Variants in PER3 observed in about 807,000 individuals in gnomAD.
The protein encoded by PER3 is period circadian regulator 3.
A neutral mutation model predicts 127.2 loss-of-function variants in PER3; 107 were observed. That is an observed-to-expected ratio of 0.84 (90% CI 0.72 to 0.99). PER3 has a LOEUF of 0.99. Among genes scored for constraint, PER3 ranks in the 50% least tolerant of loss-of-function variants. PER3 has a pLI of 0.00. For missense variants in PER3, 1,560 were observed against 1,525.8 expected, an observed-to-expected ratio of 1.02 and a Z score of -0.37; for synonymous variants, 618 against 585.8, an observed-to-expected ratio of 1.05 and a Z score of -0.79.
At chr1:7,829,473 C>G (rs1400408567) in intron 18 of PER3, among the ~76,000 whole-genome samples, 2 of 152,180 alleles carry the variant, frequency 1.3e-5, no homozygotes, top group African/African-American at 4.8e-5. Context: ...TGGCATCACT[C>G]CTCTTGCACT....
chr1:7,820,578 G>T lies in PER3; in HGVS notation c.1895G>T (p.Gly632Val). Residue 632 changes from glycine (G) to valine (V), a missense_variant, in exon 16 of 22, where the codon GGG (glycine) becomes GTG (valine). Gly to Val is a moderately radical substitution (Grantham distance 109). This residue lies in a region of PER3 where 1,332 missense variants were observed against 1,223.6 expected (regional missense o/e 1.09). Transcript: ENST00000377532. ...CTGTCCACGGCGATGCTGAGCTTGG[G>T]GTCGGGCATAAGCCAATGCGGTTAC... ...QILSTAMLSL[G>V]SGISQCGYSS... The T allele has an allele frequency of 6.2e-7, 1 of 1,614,054 alleles. No homozygotes were observed. Among genetic ancestry groups the T allele is most frequent in the South Asian group, 1.1e-5 (1 of 91,056 alleles).
chr1:7,810,301 A>C (rs1168511146), intron 12 of PER3, 137 bp from the exon 13 acceptor site: 1 of 692,582 alleles, frequency 1.4e-6, no homozygotes. Flanking sequence ...ATGGTGCAGG[A>C]AACTGGATTA....
chr1:7,810,151 A>AT lies in PER3; in HGVS notation c.1371+134dup, dbSNP rs1429308920. 4 of 1,014,014 alleles carry AT rather than the reference A, an allele frequency of 3.9e-6. No individual in the cohort carries two copies. In the African/African-American group the frequency reaches 6.5e-5, roughly 16 times the overall value. 62.8% of individuals were successfully genotyped at this position (1,014,014 alleles called of 1,614,324 possible). ...CAACTGATAACAGATATTTTCATCC[A>AT]TTTTGGTTTGGAAAAAAAAGTCTGT... is the stretch of plus-strand genomic sequence containing the variant. On this transcript the variant is annotated intron_variant, in intron 12 of 21. Coordinates refer to ENST00000377532, the MANE Select transcript of PER3 (RefSeq NM_001377275.1).
chr1:7,836,925 G>T, intron 20 of PER3, 74 bp from the exon 21 acceptor site: 1 of 1,154,216 alleles, frequency 8.7e-7, no homozygotes, highest in African/African-American at 1.5e-5. Context: ...AAGAAGAAGT[G>T]CTATTCCTAG....
intron 7 of PER3, among the ~76,000 whole-genome samples, chr1:7,799,934 A>G (rs921890712): frequency 2.0e-5 from 3 of 150,716 alleles, no homozygotes; most frequent in African/African-American, 7.4e-5. Flanking sequence ...ACGCCTGACT[A>G]ATTTTATTTA....
At position 7,788,138 on chromosome 1, in the gene PER3, C is replaced by G. The variant is rs1369985889; in HGVS notation, c.484C>G (p.Leu162Val). Residue 162 changes from leucine (L) to valine (V), a missense_variant, in exon 5 of 22, where the codon CTG becomes GTG. Around this residue, in one of 3 missense-constraint regions of PER3, gnomAD observed 1,332 missense variants for 1,223.6 expected, o/e 1.09. Coordinates refer to ENST00000377532, the MANE Select transcript of PER3 (RefSeq NM_001377275.1). ...ALILNRKKDV[L>V]ASSHFVDLLA... ...GATCCTGAATCGTAAGAAAGATGTC[C>G]TGGCGTCTTCTCACTTTGTTGACCT... 1.2e-6 allele frequency: 2 copies of G among 1,613,662 alleles called. No homozygotes were observed. Among genetic ancestry groups the G allele is most frequent in the East Asian group, 2.2e-5 (1 of 44,880 alleles).
At chr1:7,810,354 G>A (rs2097213953) in intron 12 of PER3, 84 bp from the exon 13 acceptor site, 1 of 990,086 alleles carries the variant, frequency 1.0e-6, no homozygotes, top group Non-Finnish European at 1.5e-6. Context: ...CAAAGAAACA[G>A]AAGCTAAGTG....
In PER3 at chr1:7,788,251, C is replaced by T. The variant is rs2097101482; in HGVS notation, c.592+5C>T. 2 of 1,599,512 alleles carry T rather than the reference C, an allele frequency of 1.3e-6. No homozygotes were observed. The highest frequency in any genetic ancestry group is 2.7e-5 in the African/African-American group (2 of 74,754). ...GGAACAACTGGACCCAAAGAGGTAA[C>T]AGGACCAATGTTCAGATGTCTATCT... On this transcript the variant is annotated splice_donor_5th_base_variant and intron_variant, in intron 5 of 21. Transcript: ENST00000377532.
intron 3 of PER3, among the ~76,000 whole-genome samples, chr1:7,786,039 G>T (rs965827080): frequency 1.3e-5 from 2 of 152,152 alleles, no homozygotes; most frequent in African/African-American, 4.8e-5. Context: ...GGCAGATCAC[G>T]AGGTCAGGAG....
Position 7,820,189 on chromosome 1 carries a change from C to G in PER3, c.1733C>G (p.Ser578Ter). ...TGTACAAATACAACTTCTTCCTCCT[C>G]AGAAGAAGACAAACAGAACCACAAG... Reference protein sequence around the residue: ...ISCTNTTSSSSEEDKQNHKAD... With the variant: ...ISCTNTTSSS Residue 578 changes from serine to a stop codon, truncating the protein, a stop_gained, in exon 15 of 22, where the codon TCA becomes TGA. Transcript: ENST00000377532. LOFTEE classifies it high-confidence loss of function. The G allele has an allele frequency of 6.2e-7, 1 of 1,611,678 alleles. No homozygotes were observed. The highest frequency in any genetic ancestry group is 8.5e-7 in the Non-Finnish European group (1 of 1,177,786).
intron 21 of PER3, among the ~76,000 whole-genome samples, chr1:7,839,505 A>G (rs375960421): frequency 6.6e-6 from 1 of 152,214 alleles, no homozygotes; most frequent in African/African-American, 2.4e-5. Flanking sequence ...CTATTTCTTC[A>G]CACAGCTTCA....
intron 6 of PER3, among the ~76,000 whole-genome samples, chr1:7,794,760 AATTTT>A (rs2097137485): frequency 6.6e-6 from 1 of 151,858 alleles, no homozygotes; most frequent in African/African-American, 2.4e-5. Context: ...AACAGATGAA[AATTTT>A]AACAGTAGTT....
intron 6 of PER3, among the ~76,000 whole-genome samples, chr1:7,797,242 A>C (rs539432669): frequency 2.0e-5 from 3 of 152,238 alleles, no homozygotes; most frequent in African/African-American, 7.2e-5. Context: ...GACACAGCTC[A>C]CTTCCCGGTG....
At chr1:7,787,262 G>C in intron 4 of PER3, 2 of 832,220 alleles carry the variant, frequency 2.4e-6, no homozygotes, top group Non-Finnish European at 3.0e-6. Context: ...TTGAGATGCT[G>C]TCATTTTTCC....
intron 11 of PER3, 95 bp from the exon 12 acceptor site, chr1:7,809,798 T>C: frequency 5.1e-6 from 6 of 1,176,412 alleles, no homozygotes; most frequent in Non-Finnish European, 7.2e-6. Context: ...TTTCAGGAAT[T>C]GTCATCTTAA....
intron 13 of PER3, 35 bp from the exon 14 acceptor site, chr1:7,819,250 T>A: frequency 4.4e-6 from 7 of 1,587,856 alleles, no homozygotes; most frequent in Non-Finnish European, 5.2e-6. Flanking sequence ...ACATGCTGGG[T>A]ACTTTTAATT....
At chr1:7,810,857 C>A in intron 13 of PER3, 1 of 266,644 alleles carries the variant, frequency 3.8e-6, no homozygotes, top group Non-Finnish European at 7.0e-6. Flanking sequence ...TAAATACCAA[C>A]GAATTATAGA....
chr1:7,836,950 A>T (rs1471766948), intron 20 of PER3, 49 bp from the exon 21 acceptor site: 1 of 1,490,296 alleles, frequency 6.7e-7, no homozygotes, highest in South Asian at 1.2e-5. Context: ...CGGGAAAAGA[A>T]CCCTGTGTCT....
In PER3 at chr1:7,808,290, G is replaced by A. The variant is rs76305697; in HGVS notation, c.1137-603G>A. On this transcript the variant is annotated intron_variant, in intron 10 of 21. Transcript: ENST00000377532. ...ATAGTACAGTGCCTGTCACATAGAA[G>A]GTCCCAAGTAAACATCAGTTCCTTC... Among the ~76,000 whole-genome samples the A allele has an allele frequency of 4.6e-3, 666 of 145,810 alleles. 5 individuals carry two copies. Among genetic ancestry groups the A allele is most frequent in the African/African-American group, 0.015 (609 of 40,012 alleles).
Sources: allele counts gnomAD v4.1 joint callset (sites outside exome capture counted in the v4.1 genomes callset), GRCh38; gene constraint gnomAD v4.1.1; regional missense constraint gnomAD v4.1.1; transcripts MANE v1.5; gene names NCBI Gene and HGNC (gene_info 2026-07-23, HGNC 2026-07-21).